The following MYRIP variants were observed in gnomAD, a reference collection of about 807,000 sequenced individuals.
MYRIP encodes the protein rab effector MyRIP.
In MYRIP, 49 loss-of-function variants were observed where a neutral mutation model predicts 98.0. That is an observed-to-expected ratio of 0.50 (90% CI 0.40 to 0.63). The LOEUF (loss-of-function observed/expected upper bound fraction) is 0.63, where lower values mean the gene tolerates loss of function less well. MYRIP is among the 30% of genes least tolerant of loss of function. MYRIP has a pLI of 0.00. For missense variants in MYRIP, 1,004 were observed against 1,058.2 expected (o/e 0.95, Z 0.71); for synonymous variants, 404 against 409.5 (o/e 0.99, Z 0.16).
chr3:40,196,199 A>G (rs896626614), intron 10 of MYRIP, among the ~76,000 whole-genome samples: 3 of 151,334 alleles, frequency 2.0e-5, no homozygotes, highest in African/African-American at 7.3e-5. Context: ...TGTTACTTTC[A>G]TTCATTAATC....
At position 40,190,295 on chromosome 3, in the gene MYRIP, C is replaced by A. The variant is rs747794621; in HGVS notation, c.1497C>A (p.Asn499Lys). 6.2e-7 allele frequency: 1 copy of A among 1,613,990 alleles called. No individual in the cohort carries two copies. The highest frequency in any genetic ancestry group is 8.5e-7 in the Non-Finnish European group (1 of 1,179,998). Reference protein sequence around the residue: ...RLHGELDVNFNPQLASRETSD... With the variant: ...RLHGELDVNFKPQLASRETSD... ...ATGGAGAGCTGGACGTGAACTTCAA[C>A]CCCCAGTTGGCCAGCAGGGAGACCT... Residue 499 changes from asparagine to lysine, a missense_variant, in exon 10 of 17, where the codon AAC (asparagine) becomes AAA (lysine). By Grantham distance (94) the Asn-to-Lys change is moderately conservative (BLOSUM62 0). This residue lies in a region of MYRIP where 880 missense variants were observed against 907.7 expected (regional missense o/e 0.97). Transcript: ENST00000302541.
At chr3:40,154,055 G>C (rs139079498) in intron 4 of MYRIP, among the ~76,000 whole-genome samples, 1 of 151,678 alleles carries the variant, frequency 6.6e-6, no homozygotes, top group South Asian at 2.1e-4. Context: ...CAGAGGAATC[G>C]CTTGAACCTG....
intron 3 of MYRIP, among the ~76,000 whole-genome samples, chr3:40,060,190 A>G (rs1039569309): frequency 2.0e-5 from 3 of 152,206 alleles, no homozygotes; most frequent in African/African-American, 4.8e-5. Context: ...TTTGTCCCTC[A>G]GGGGTGACCC....
intron 13 of MYRIP, among the ~76,000 whole-genome samples, chr3:40,247,406 C>T (rs1953239858): frequency 6.6e-6 from 1 of 152,070 alleles, no homozygotes; most frequent in Non-Finnish European, 1.5e-5. Context: ...TCAGCAACCC[C>T]ATAAGTGAGC....
intron 3 of MYRIP, among the ~76,000 whole-genome samples, chr3:40,144,932 C>A (rs10049445): frequency 0.36 from 54,040 of 151,980 alleles, 10,122 homozygotes; most frequent in South Asian, 0.55. Flanking sequence ...CAAGGAACTC[C>A]CTCTTTCTGC....
intron 2 of MYRIP, among the ~76,000 whole-genome samples, chr3:39,991,342 A>G (rs1280265679): frequency 1.3e-5 from 2 of 152,124 alleles, no homozygotes; most frequent in African/African-American, 4.8e-5. Flanking sequence ...CCAACTTCTC[A>G]TTTCCAGAGA....
Position 40,190,069 on chromosome 3 carries a change from A to G in MYRIP, c.1271A>G (p.Gln424Arg), listed in dbSNP as rs765214565. Residue 424 changes from glutamine to arginine, a missense_variant, in exon 10 of 17, where the codon CAG becomes CGG. Around this residue, in one of 3 missense-constraint regions of MYRIP, gnomAD observed 880 missense variants for 907.7 expected, o/e 0.97. Coordinates refer to ENST00000302541, the MANE Select transcript of MYRIP (RefSeq NM_015460.4). ...GCCCTGCCCAGGAACCCCCAGCCTCAGCCCACACAGGCCCAGAGCTCTGAC... is the reference window on the plus strand; with the variant it reads ...GCCCTGCCCAGGAACCCCCAGCCTCGGCCCACACAGGCCCAGAGCTCTGAC... ...SRALPRNPQP[Q>R]PTQAQSSDQG... 2.5e-6 allele frequency: 4 copies of G among 1,614,012 alleles called. No homozygotes were observed. In the South Asian group the frequency reaches 3.3e-5, roughly 13 times the overall value.
At chr3:39,923,865 TAAAG>T (rs1443764184) in intron 2 of MYRIP, among the ~76,000 whole-genome samples, 2 of 152,068 alleles carry the variant, frequency 1.3e-5, no homozygotes, top group African/African-American at 4.8e-5. Context: ...TAAAGGAACA[TAAAG>T]GAAGGTAAGT....
intron 2 of MYRIP, among the ~76,000 whole-genome samples, chr3:39,941,150 T>C (rs1944774154): frequency 6.6e-6 from 1 of 152,080 alleles, no homozygotes; most frequent in African/African-American, 2.4e-5. Context: ...TGGTGGGTAA[T>C]TTAAAAAGAA....
At chr3:40,209,690 G>A (rs1951869581) in intron 10 of MYRIP, among the ~76,000 whole-genome samples, 164 bp from the exon 11 acceptor site, 1 of 152,026 alleles carries the variant, frequency 6.6e-6, no homozygotes, top group Non-Finnish European at 1.5e-5. Context: ...GAAAGTAAAG[G>A]TAAAACTAAA....
At chr3:39,963,748 A>G (rs1945377275) in intron 2 of MYRIP, among the ~76,000 whole-genome samples, 1 of 152,186 alleles carries the variant, frequency 6.6e-6, no homozygotes, top group Non-Finnish European at 1.5e-5. Flanking sequence ...TCTAATAATC[A>G]TATATCTGTC....
chr3:40,256,953 G>A (rs1287207592), intron 16 of MYRIP, among the ~76,000 whole-genome samples: 2 of 151,980 alleles, frequency 1.3e-5, no homozygotes, highest in African/African-American at 2.4e-5. Context: ...CACAAAAATC[G>A]TTACACCAGT....
intron 1 of MYRIP, among the ~76,000 whole-genome samples, chr3:39,837,309 G>C (rs1002295237): frequency 5.9e-5 from 9 of 152,140 alleles, no homozygotes; most frequent in African/African-American, 9.7e-5. Flanking sequence ...GTCCCGAATG[G>C]TACTGCTTAA....
Position 39,926,775 on chromosome 3 carries a change from T to C in MYRIP, c.110+25849T>C, listed in dbSNP as rs779573769. On this transcript the variant is annotated intron_variant, in intron 2 of 16. Coordinates refer to ENST00000302541, the MANE Select transcript of MYRIP (RefSeq NM_015460.4). ...GTTCGAAATTGGGTAATGTGATGTC[T>C]TTGTTCTTTTTGCTTAGGAATGCTT... Among the ~76,000 whole-genome samples, 145 of 152,138 alleles carry C rather than the reference T, an allele frequency of 9.5e-4. 1 individual carries two copies. Among genetic ancestry groups the C allele is most frequent in the Non-Finnish European group, 3.1e-4 (21 of 67,980 alleles).
At chr3:39,878,647 C>A (rs557881984) in intron 1 of MYRIP, among the ~76,000 whole-genome samples, 1 of 151,976 alleles carries the variant, frequency 6.6e-6, no homozygotes, top group East Asian at 1.9e-4. Context: ...ATTTACTCAC[C>A]AGCAAATAAT....
intron 3 of MYRIP, among the ~76,000 whole-genome samples, chr3:40,062,453 A>G (rs1559384764): frequency 6.6e-6 from 1 of 152,176 alleles, no homozygotes; most frequent in African/African-American, 2.4e-5. Flanking sequence ...TTAAAATGAG[A>G]AAGACAACAT....
intron 7 of MYRIP, among the ~76,000 whole-genome samples, chr3:40,169,132 C>T (rs145363860): frequency 6.1e-4 from 93 of 152,268 alleles, no homozygotes; most frequent in African/African-American, 2.2e-3. Context: ...CAGCACTGGC[C>T]CTACCCACCT....
At chr3:40,192,066 T>C (rs1273199980) in intron 10 of MYRIP, among the ~76,000 whole-genome samples, 10 of 151,362 alleles carry the variant, frequency 6.6e-5, no homozygotes, top group African/African-American at 2.4e-4. Context: ...TAGGTGGGGA[T>C]GGTGCTGCAC....
intron 9 of MYRIP, among the ~76,000 whole-genome samples, chr3:40,188,765 G>A (rs998339389): frequency 9.6e-6 from 1 of 103,724 alleles, no homozygotes; most frequent in Admixed American, 1.2e-4. Flanking sequence ...CAACAAGAGT[G>A]AAACTCTGTC....
Sources: gnomAD v4.1 joint callset for allele counts (sites outside exome capture counted in the v4.1 genomes callset) on GRCh38, gnomAD v4.1.1 for gene constraint, gnomAD v4.1.1 regional missense constraint, MANE v1.5 for transcripts, NCBI Gene and HGNC (gene_info 2026-07-23, HGNC 2026-07-21) for gene names.